The following B3GALT1 variants were observed in gnomAD, a reference collection of about 807,000 sequenced individuals.
The protein encoded by B3GALT1 is beta-1,3-galactosyltransferase 1.
Under a neutral mutation model 23.2 loss-of-function variants are expected in B3GALT1, and 10 were observed. The observed-to-expected ratio is 0.43, with a 90% confidence interval of 0.27 to 0.73. The LOEUF is 0.73. Ranked by LOEUF, B3GALT1 falls within the 30% of genes least tolerant of loss-of-function variation. B3GALT1 has a pLI of 0.21. For synonymous variants in B3GALT1, 156 were observed against 141.5 expected, an observed-to-expected ratio of 1.10 and a Z score of -0.73; for missense variants, 299 against 405.4, an observed-to-expected ratio of 0.74 and a Z score of 2.25.
intron 2 of B3GALT1, among the ~76,000 whole-genome samples, chr2:167,625,188 A>G (rs1363863518): frequency 6.6e-6 from 1 of 151,924 alleles, no homozygotes; most frequent in East Asian, 1.9e-4. Flanking sequence ...TTTTCTTTCA[A>G]ACAATTTAAA....
intron 3 of B3GALT1, among the ~76,000 whole-genome samples, chr2:167,764,484 A>G (rs1687943829): frequency 6.6e-6 from 1 of 152,218 alleles, no homozygotes; most frequent in African/African-American, 2.4e-5. Context: ...GAATAGTCCT[A>G]CCTTGCTATT....
At chr2:167,627,328 T>A (rs1200674791) in intron 2 of B3GALT1, among the ~76,000 whole-genome samples, 1 of 151,756 alleles carries the variant, frequency 6.6e-6, no homozygotes, top group Non-Finnish European at 1.5e-5. Flanking sequence ...TCTCAACACT[T>A]CTCCCCTTTG....
At chr2:167,709,580 G>A (rs967440302) in intron 3 of B3GALT1, among the ~76,000 whole-genome samples, 2 of 152,166 alleles carry the variant, frequency 1.3e-5, no homozygotes, top group African/African-American at 2.4e-5. Context: ...TATGAATAAT[G>A]AGAGAAATTT....
At chr2:167,761,145 ATAGTT>A (rs1256682897) in intron 3 of B3GALT1, among the ~76,000 whole-genome samples, 1 of 152,216 alleles carries the variant, frequency 6.6e-6, no homozygotes, top group Non-Finnish European at 1.5e-5. Context: ...TCACGTAGTG[ATAGTT>A]TAGCCTGTTA....
intron 4 of B3GALT1, among the ~76,000 whole-genome samples, chr2:167,839,495 A>G (rs1689580474): frequency 6.6e-6 from 1 of 152,268 alleles, no homozygotes; most frequent in African/African-American, 2.4e-5. Flanking sequence ...CTCTTCAAGG[A>G]GAACTACAAA....
chr2:167,648,721 C>G (rs1333424389), intron 3 of B3GALT1, among the ~76,000 whole-genome samples: 1 of 152,064 alleles, frequency 6.6e-6, no homozygotes, highest in African/African-American at 2.4e-5. Flanking sequence ...CTTTATTTTT[C>G]CATATGCCAC....
At chr2:167,503,828 C>T (rs185446928) in intron 2 of B3GALT1, among the ~76,000 whole-genome samples, 106 of 152,250 alleles carry the variant, frequency 7.0e-4, no homozygotes, top group African/African-American at 2.6e-3. Flanking sequence ...ATGGTCATTG[C>T]CTTCATTGTA....
chr2:167,440,756 A>T (rs73023882), intron 1 of B3GALT1, among the ~76,000 whole-genome samples: 20,688 of 151,896 alleles, frequency 0.14, 1,921 homozygotes, highest in African/African-American at 0.27. Context: ...TTTGATCTCT[A>T]AAATTGACCT....
chr2:167,622,519 T>C (rs1685276768), intron 2 of B3GALT1, among the ~76,000 whole-genome samples: 1 of 152,116 alleles, frequency 6.6e-6, no homozygotes, highest in African/African-American at 2.4e-5. Context: ...AAATTGTATC[T>C]GCAGCTTATT....
chr2:167,642,071 CTGTTGGT>C (rs1168127879), intron 2 of B3GALT1, among the ~76,000 whole-genome samples: 1 of 152,218 alleles, frequency 6.6e-6, no homozygotes, highest in Non-Finnish European at 1.5e-5. Context: ...CAGTCCATCT[CTGTTGGT>C]TGACAGATAG....
intron 1 of B3GALT1, among the ~76,000 whole-genome samples, chr2:167,461,886 A>G (rs994327974): frequency 2.6e-5 from 4 of 152,168 alleles, no homozygotes; most frequent in Non-Finnish European, 4.4e-5. Context: ...ATATGTACCT[A>G]TGTGTATGAA....
At chr2:167,631,003 A>T (rs1045570169) in intron 2 of B3GALT1, among the ~76,000 whole-genome samples, 12 of 123,656 alleles carry the variant, frequency 9.7e-5, no homozygotes, top group Non-Finnish European at 6.5e-5. Flanking sequence ...AGGAACTAGG[A>T]TTGGGGGTAA....
intron 1 of B3GALT1, among the ~76,000 whole-genome samples, chr2:167,469,678 A>G (rs1293592141): frequency 1.3e-5 from 2 of 152,214 alleles, no homozygotes; most frequent in Non-Finnish European, 2.9e-5. Flanking sequence ...CTAGTATTAT[A>G]TAAACAACTT....
intron 1 of B3GALT1, among the ~76,000 whole-genome samples, chr2:167,416,018 G>A (rs1426962002): frequency 6.6e-6 from 1 of 152,160 alleles, no homozygotes; most frequent in Non-Finnish European, 1.5e-5. Flanking sequence ...AAAAGATTTG[G>A]AAAACTCTCG....
chr2:167,520,820 TG>T (rs1700176767), intron 2 of B3GALT1, among the ~76,000 whole-genome samples: 1 of 152,222 alleles, frequency 6.6e-6, no homozygotes, highest in Non-Finnish European at 1.5e-5. Context: ...GCAGCTGATT[TG>T]GGAGCAATGG....
At chr2:167,637,456 A>G (rs1164989686) in intron 2 of B3GALT1, among the ~76,000 whole-genome samples, 1 of 151,982 alleles carries the variant, frequency 6.6e-6, no homozygotes, top group Admixed American at 6.6e-5. Context: ...AAGTCAGAGT[A>G]TTTGCAGTAT....
chr2:167,676,253 A>C (rs1686423003), intron 3 of B3GALT1, among the ~76,000 whole-genome samples: 1 of 152,114 alleles, frequency 6.6e-6, no homozygotes, highest in African/African-American at 2.4e-5. Flanking sequence ...CTCATAAATA[A>C]CTTTTTTATC....
At chr2:167,449,280 T>C (rs1026745705) in intron 1 of B3GALT1, among the ~76,000 whole-genome samples, 11 of 152,190 alleles carry the variant, frequency 7.2e-5, no homozygotes, top group African/African-American at 2.4e-4. Flanking sequence ...CAGTGTTTTG[T>C]AGTTTCCTTA....
At chr2:167,771,880 G>T (rs1034481357) in intron 3 of B3GALT1, among the ~76,000 whole-genome samples, 2 of 152,160 alleles carry the variant, frequency 1.3e-5, no homozygotes, top group African/African-American at 4.8e-5. Context: ...ATGCATATTG[G>T]CATTTGGCTC....
Sources: allele counts gnomAD v4.1 joint callset (sites outside exome capture counted in the v4.1 genomes callset), GRCh38; gene constraint gnomAD v4.1.1; transcripts MANE v1.5; gene names NCBI Gene and HGNC (gene_info 2026-07-23, HGNC 2026-07-21).